The following PTCD2 variants were observed in gnomAD, a reference collection of about 807,000 sequenced individuals.
PTCD2 encodes the protein pentatricopeptide repeat domain 2.
A neutral mutation model predicts 42.6 loss-of-function variants in PTCD2; 31 were observed. The observed-to-expected ratio is 0.73, with a 90% CI of 0.55 to 0.98. The LOEUF is 0.98. PTCD2 is among the 50% of genes least tolerant of loss of function. The probability of loss-of-function intolerance (pLI) is 0.00; values close to 1 mark genes in which losing one functional copy is unlikely to be tolerated. For synonymous variants in PTCD2, 183 were observed against 170.9 expected, an observed-to-expected ratio of 1.07 and a Z score of -0.55; for missense variants, 476 against 454.8, an observed-to-expected ratio of 1.05 and a Z score of -0.42.
intron 8 of PTCD2, among the ~76,000 whole-genome samples, chr5:72,344,494 C>T (rs753630259): frequency 6.6e-6 from 1 of 152,216 alleles, no homozygotes; most frequent in Admixed American, 6.5e-5. Flanking sequence ...GCCTTGGCGA[C>T]AGAGCAAGAC....
intron 8 of PTCD2, among the ~76,000 whole-genome samples, chr5:72,344,089 G>A (rs994594271): frequency 3.9e-5 from 6 of 152,248 alleles, no homozygotes; most frequent in Admixed American, 3.3e-4. Context: ...CAGGAGCAAC[G>A]TGAGGGGCCC....
Position 72,368,362 on chromosome 5 carries a change from CTGTT to C in PTCD2, c.*9936_*9939del, listed in dbSNP as rs1753249295. The C allele has an allele frequency of 6.6e-6, 1 of 152,154 alleles. No homozygotes were observed. Among genetic ancestry groups the C allele is most frequent in the South Asian group, 2.1e-4 (1 of 4,832 alleles). The allele number at this position is 152,154 out of a possible 1,614,324, so 9.4% of individuals were successfully genotyped here. Reference sequence around the variant, plus strand: ...AATGGGCCATGTGCAATTTTGCTGTCTGTTCACATTTCAAATAAACTAATGTGTT... The same window carrying C: ...AATGGGCCATGTGCAATTTTGCTGTCCACATTTCAAATAAACTAATGTGTT... On this transcript the variant is annotated 3_prime_UTR_variant, in exon 10 of 10. Transcript: ENST00000380639.
chr5:72,325,932 A>G (rs975005720), intron 2 of PTCD2, among the ~76,000 whole-genome samples: 1 of 152,206 alleles, frequency 6.6e-6, no homozygotes, highest in Non-Finnish European at 1.5e-5. Flanking sequence ...ATACAAAGAC[A>G]AGGGAGAATG....
chr5:72,355,492 C>T (rs1231125202), intron 9 of PTCD2, among the ~76,000 whole-genome samples: 2 of 151,864 alleles, frequency 1.3e-5, no homozygotes, highest in African/African-American at 4.8e-5. Flanking sequence ...ATGAGTTCTC[C>T]GAATGTACCT....
chr5:72,344,755 T>A (rs1040207739), intron 8 of PTCD2, among the ~76,000 whole-genome samples: 8 of 152,040 alleles, frequency 5.3e-5, no homozygotes, highest in African/African-American at 1.9e-4. Context: ...GGGGGAGACA[T>A]CACATGTCGG....
chr5:72,321,807 A>G (rs1750863324), intron 1 of PTCD2, among the ~76,000 whole-genome samples: 1 of 152,180 alleles, frequency 6.6e-6, no homozygotes, highest in South Asian at 2.1e-4. Flanking sequence ...TTTTGCATTT[A>G]AATGTTATTA....
At chr5:72,351,727 A>G (rs1752630416) in intron 8 of PTCD2, among the ~76,000 whole-genome samples, 3 of 152,140 alleles carry the variant, frequency 2.0e-5, no homozygotes, top group Admixed American at 2.0e-4. Flanking sequence ...TGAGAACAGC[A>G]TGGGGGAAAC....
In PTCD2 at chr5:72,341,812, G is replaced by A. The variant is rs184933837; in HGVS notation, c.754-1150G>A. On this transcript the variant is annotated intron_variant, in intron 7 of 9. Coordinates refer to ENST00000380639, the MANE Select transcript of PTCD2 (RefSeq NM_024754.5). ...AATCCCAGCACTTTGGGAGGCTGAG[G>A]CGGGCAGATCATGAGGTCAGGAGAT... Among the ~76,000 whole-genome samples, 63 of 151,982 alleles carry A rather than the reference G, an allele frequency of 4.1e-4. 1 individual carries two copies. In the East Asian group the frequency reaches 0.012, roughly 29 times the overall value.
intron 4 of PTCD2, 55 bp from the exon 5 acceptor site, chr5:72,334,963 C>G: frequency 9.4e-7 from 1 of 1,059,620 alleles, no homozygotes; most frequent in Non-Finnish European, 1.5e-6. Context: ...GTAAAAGTAC[C>G]TCCTCAATAA....
At chr5:72,358,091 G>A (rs1300861334) in intron 9 of PTCD2, 112 bp from the exon 10 acceptor site, 11 of 962,116 alleles carry the variant, frequency 1.1e-5, no homozygotes, top group Admixed American at 4.4e-5. Flanking sequence ...GGGCCACCTC[G>A]CCTGGCCTAC....
In PTCD2 at chr5:72,326,633, AAAAG is replaced by A; in HGVS notation, c.246_249del (p.Lys82AsnfsTer2). The A allele has an allele frequency of 1.9e-6, 3 of 1,614,210 alleles. No individual in the cohort carries two copies. Among genetic ancestry groups the A allele is most frequent in the Non-Finnish European group, 8.5e-7 (1 of 1,180,026 alleles). ...CCAGAAACGTATTTTAGAAACTTGA[AAAAG>A]AAACTGACCCAGAACAAGCTCATCT... On this transcript the variant is annotated frameshift_variant, in exon 3 of 10. Transcript: ENST00000380639. LOFTEE classifies it high-confidence loss of function.
chr5:72,344,368 C>A (rs1752240436), intron 8 of PTCD2, among the ~76,000 whole-genome samples: 1 of 152,060 alleles, frequency 6.6e-6, no homozygotes, highest in South Asian at 2.1e-4. Context: ...AAAAATTAGC[C>A]AGGCATGGTG....
Position 72,365,186 on chromosome 5 carries a change from CAGG to C in PTCD2, c.*6762_*6764del, listed in dbSNP as rs890605836. 6.6e-6 allele frequency: 1 copy of C among 152,326 alleles called. No homozygotes were observed. Among genetic ancestry groups the C allele is most frequent in the Non-Finnish European group, 1.5e-5 (1 of 68,154 alleles). The allele number at this position is 152,326 out of a possible 1,614,324, so 9.4% of individuals were successfully genotyped here. ...ATAGGAGAGGAAGGCCTCATTTAAT[CAGG>C]AGAAGAAAGAGAACCAGGGGCCTCT... On this transcript the variant is annotated 3_prime_UTR_variant, in exon 10 of 10. Coordinates refer to ENST00000380639, the MANE Select transcript of PTCD2 (RefSeq NM_024754.5).
At chr5:72,352,883 G>T in intron 9 of PTCD2, 129 bp downstream of exon 9, 3 of 557,124 alleles carry the variant, frequency 5.4e-6, no homozygotes, top group Admixed American at 7.1e-5. Context: ...TGTTGTTCCT[G>T]TTTTAAGACT....
At chr5:72,350,200 G>C (rs1434426293) in intron 8 of PTCD2, among the ~76,000 whole-genome samples, 2 of 152,246 alleles carry the variant, frequency 1.3e-5, no homozygotes, top group Admixed American at 6.5e-5. Flanking sequence ...ACTGTGAAGA[G>C]TCAGAGATTT....
intron 2 of PTCD2, among the ~76,000 whole-genome samples, chr5:72,326,238 T>C (rs1751130070): frequency 6.6e-6 from 1 of 152,254 alleles, no homozygotes; most frequent in African/African-American, 2.4e-5. Flanking sequence ...TTTCTTTCTT[T>C]TTCTCATGAG....
At chr5:72,340,151 C>G (rs1751980321) in intron 7 of PTCD2, among the ~76,000 whole-genome samples, 1 of 152,060 alleles carries the variant, frequency 6.6e-6, no homozygotes. Context: ...GTTATTTTCT[C>G]TAGTTGGTAT....
intron 1 of PTCD2, among the ~76,000 whole-genome samples, chr5:72,321,965 C>G (rs1449460741): frequency 6.6e-6 from 1 of 152,144 alleles, no homozygotes; most frequent in Non-Finnish European, 1.5e-5. Context: ...ACAAATAAAA[C>G]CTGTTTTGCT....
At chr5:72,337,667 C>G (rs1245645103) in intron 6 of PTCD2, among the ~76,000 whole-genome samples, 1 of 152,122 alleles carries the variant, frequency 6.6e-6, no homozygotes, top group African/African-American at 2.4e-5. Context: ...GTGGCAGATA[C>G]CTGTAATCCC....
Sources: gnomAD v4.1 joint callset for allele counts (sites outside exome capture counted in the v4.1 genomes callset) on GRCh38, gnomAD v4.1.1 for gene constraint, MANE v1.5 for transcripts, NCBI Gene and HGNC (gene_info 2026-07-23, HGNC 2026-07-21) for gene names.